The following LRRC39 variants were observed in gnomAD, a reference collection of about 807,000 sequenced individuals.
LRRC39 encodes the protein leucine-rich repeat-containing protein 39.
Under a neutral mutation model 39.7 loss-of-function variants are expected in LRRC39, and 35 were observed. The ratio of observed to expected loss-of-function variants is 0.88; its 90% CI spans 0.67 to 1.17. The LOEUF is 1.17. LRRC39 is among the 50% of genes most tolerant of loss of function. The probability of loss-of-function intolerance (pLI) is 0.00; values close to 1 mark genes in which losing one functional copy is unlikely to be tolerated. For missense variants in LRRC39, 357 were observed against 385.8 expected (o/e 0.93, Z 0.62); for synonymous variants, 113 against 134.1 (o/e 0.84, Z 1.09).
intron 1 of LRRC39, among the ~76,000 whole-genome samples, chr1:100,175,190 T>C (rs1221692764): frequency 1.3e-5 from 2 of 151,986 alleles, no homozygotes; most frequent in African/African-American, 4.8e-5. Flanking sequence ...TTTTGTGGTT[T>C]TTTGTTTGTT....
chr1:100,157,021 A>G (rs1204627361), intron 6 of LRRC39, among the ~76,000 whole-genome samples: 1 of 152,152 alleles, frequency 6.6e-6, no homozygotes, highest in Non-Finnish European at 1.5e-5. Flanking sequence ...ACAAAATCAC[A>G]TAGCTTTTAT....
chr1:100,149,403 G>A (rs978211441), intron 9 of LRRC39: 13 of 1,545,208 alleles, frequency 8.4e-6, no homozygotes, highest in Non-Finnish European at 1.1e-5. Flanking sequence ...TATATTGTCA[G>A]AATCTGTCCA....
At chr1:100,160,379 G>C in intron 4 of LRRC39, 87 bp downstream of exon 4, 1 of 900,454 alleles carries the variant, frequency 1.1e-6, no homozygotes, top group Non-Finnish European at 1.7e-6. Flanking sequence ...AACTATTCTA[G>C]TCTTAATTAC....
chr1:100,152,709 A>C (rs1055597657), intron 8 of LRRC39, among the ~76,000 whole-genome samples, 185 bp from the exon 9 acceptor site: 1 of 152,174 alleles, frequency 6.6e-6, no homozygotes, highest in Non-Finnish European at 1.5e-5. Flanking sequence ...AGAAAAAAAA[A>C]CACTAGCTTT....
chr1:100,178,311 G>A (rs1471320299), upstream of LRRC39: 1 of 152,190 alleles, frequency 6.6e-6, no homozygotes, highest in Non-Finnish European at 1.5e-5. Flanking sequence ...AGAATCACAT[G>A]AGGCTTCTTT....
intron 5 of LRRC39, 36 bp downstream of exon 5, chr1:100,159,223 A>C (rs770886777): frequency 6.5e-7 from 1 of 1,538,420 alleles, no homozygotes; most frequent in Non-Finnish European, 8.7e-7. Context: ...CTGCAGGTGG[A>C]TAAAATAGCA....
chr1:100,149,005 C>G lies in LRRC39; in HGVS notation c.*37G>C, dbSNP rs1340534665. The G allele has an allele frequency of 1.3e-6, 2 of 1,483,338 alleles. No individual in the cohort carries two copies. Among genetic ancestry groups the G allele is most frequent in the South Asian group, 1.4e-5 (1 of 69,716 alleles). 91.9% of individuals were successfully genotyped at this position (1,483,338 alleles called of 1,614,324 possible). ...GAAATCCAAACATTAGAGAATTCAC[C>G]AAAGTAATCCTCTTTAGAAGGGCAT... is the stretch of plus-strand genomic sequence containing the variant. On this transcript the variant is annotated 3_prime_UTR_variant, in exon 10 of 10. Coordinates refer to ENST00000370137, the MANE Select transcript of LRRC39 (RefSeq NM_144620.4).
intron 3 of LRRC39, 99 bp from the exon 4 acceptor site, chr1:100,160,670 G>A: frequency 1.0e-6 from 1 of 952,484 alleles, no homozygotes; most frequent in South Asian, 1.7e-5. Context: ...TTTTGCCCAG[G>A]CTGGAGTGCA....
upstream of LRRC39, among the ~76,000 whole-genome samples, chr1:100,179,550 G>C (rs1389448333): frequency 1.4e-5 from 2 of 142,494 alleles, no homozygotes; most frequent in South Asian, 4.4e-4. Context: ...TGGTGGCCCT[G>C]TCTCCATAAA....
intron 2 of LRRC39, among the ~76,000 whole-genome samples, chr1:100,171,421 T>G (rs1659589760): frequency 1.3e-5 from 2 of 151,802 alleles, no homozygotes; most frequent in African/African-American, 2.4e-5. Context: ...ATAAACTTGC[T>G]AGAAATCAAT....
At chr1:100,149,872 ATAT>A (rs1338513779) in intron 9 of LRRC39, 1 of 154,168 alleles carries the variant, frequency 6.5e-6, no homozygotes, top group African/African-American at 2.4e-5. Context: ...CTAATTTTAG[ATAT>A]TATGATATTC....
chr1:100,149,613 A>G, intron 9 of LRRC39: 1 of 499,724 alleles, frequency 2.0e-6, no homozygotes, highest in Non-Finnish European at 3.5e-6. Context: ...CACAAACAAT[A>G]AGTATGTTCT....
chr1:100,151,179 C>A (rs1657980059), intron 9 of LRRC39, among the ~76,000 whole-genome samples: 1 of 151,236 alleles, frequency 6.6e-6, no homozygotes, highest in Non-Finnish European at 1.5e-5. Context: ...TCATCTTCTG[C>A]CTCTACCACC....
intron 6 of LRRC39, among the ~76,000 whole-genome samples, chr1:100,157,582 A>T (rs1287003086): frequency 1.3e-5 from 2 of 152,354 alleles, no homozygotes; most frequent in Non-Finnish European, 2.9e-5. Context: ...TGCAAGAGCG[A>T]CAATTGTTGG....
chr1:100,176,031 G>A (rs1217321127), intron 1 of LRRC39, among the ~76,000 whole-genome samples: 1 of 152,156 alleles, frequency 6.6e-6, no homozygotes, highest in African/African-American at 2.4e-5. Context: ...CCATTCAAAG[G>A]TATGTACCTA....
intron 2 of LRRC39, among the ~76,000 whole-genome samples, chr1:100,172,698 T>C (rs1045915558): frequency 6.6e-6 from 1 of 151,894 alleles, no homozygotes; most frequent in Non-Finnish European, 1.5e-5. Context: ...CGGTGGCTCA[T>C]ACCTGTAGTC....
intron 2 of LRRC39, 72 bp from the exon 3 acceptor site, chr1:100,168,666 T>C: frequency 1.7e-6 from 1 of 590,930 alleles, no homozygotes; most frequent in Admixed American, 3.6e-5. Flanking sequence ...TAATAGCTAA[T>C]ATTTATAGAA....
intron 3 of LRRC39, among the ~76,000 whole-genome samples, chr1:100,160,902 G>A (rs1472343882): frequency 2.0e-5 from 3 of 152,028 alleles, no homozygotes; most frequent in Non-Finnish European, 2.9e-5. Flanking sequence ...GGGATTACAC[G>A]TGTAAGCCAC....
chr1:100,161,603 T>C (rs1658883790), intron 3 of LRRC39, among the ~76,000 whole-genome samples: 1 of 152,236 alleles, frequency 6.6e-6, no homozygotes, highest in South Asian at 2.1e-4. Flanking sequence ...TTCTTGGGTA[T>C]ATTCATAGGA....
Sources: allele counts gnomAD v4.1 joint callset (sites outside exome capture counted in the v4.1 genomes callset), GRCh38; gene constraint gnomAD v4.1.1; transcripts MANE v1.5; gene names NCBI Gene and HGNC (gene_info 2026-07-23, HGNC 2026-07-21).